Variants in MCM9 observed in about 807,000 individuals in gnomAD.
The protein encoded by MCM9 is DNA helicase MCM9.
Under a neutral mutation model 72.8 loss-of-function variants are expected in MCM9, and 55 were observed. That is an observed-to-expected ratio of 0.76 (90% CI 0.61 to 0.95). MCM9 has a LOEUF of 0.95. Ranked by LOEUF, MCM9 falls within the 40% of genes least tolerant of loss-of-function variation. The pLI is 0.00. For synonymous variants in MCM9, 480 were observed against 503.4 expected (o/e 0.95, Z 0.62); for missense variants, 1,279 against 1,377.0 (o/e 0.93, Z 1.13).
At chr6:118,823,319 C>T (rs1409489493) in intron 13 of MCM9, among the ~76,000 whole-genome samples, 1 of 152,194 alleles carries the variant, frequency 6.6e-6, no homozygotes, top group Admixed American at 6.6e-5. Flanking sequence ...AGCACAGTCC[C>T]TCACTGCTTT....
At chr6:118,862,191 C>A (rs1429909491) in intron 8 of MCM9, among the ~76,000 whole-genome samples, 1 of 152,188 alleles carries the variant, frequency 6.6e-6, no homozygotes, top group Non-Finnish European at 1.5e-5. Context: ...TTCCTGGGCC[C>A]CCAAGAGTGC....
chr6:118,930,442 T>C (rs1232401114), intron 3 of MCM9, among the ~76,000 whole-genome samples: 1 of 152,240 alleles, frequency 6.6e-6, no homozygotes, highest in Non-Finnish European at 1.5e-5. Context: ...CAAAAGGGTA[T>C]GTATGTTCTC....
chr6:118,846,606 G>A (rs1306856287), intron 9 of MCM9, among the ~76,000 whole-genome samples: 5 of 151,734 alleles, frequency 3.3e-5, no homozygotes, highest in East Asian at 1.9e-4. Context: ...AGAGGAGACC[G>A]GCAAGGGGCA....
In MCM9 at chr6:118,932,732, C is replaced by A. The variant is rs551570677; in HGVS notation, c.-141G>T. The A allele has an allele frequency of 4.5e-4, 182 of 405,210 alleles. No individual in the cohort carries two copies. The highest frequency in any genetic ancestry group is 5.7e-4 in the Non-Finnish European group (171 of 299,400). The allele number at this position is 405,210 out of a possible 1,614,324, so 25.1% of individuals were successfully genotyped here. On this transcript the variant is annotated 5_prime_UTR_variant, in exon 2 of 14. Coordinates refer to ENST00000619706, the MANE Select transcript of MCM9 (RefSeq NM_017696.3). ...ACCGTAGGAAATCTACTGGGTTCTG[C>A]AGAAACAGCTGTCAACAATGCAAAG... is the stretch of plus-strand genomic sequence containing the variant.
At chr6:118,902,528 CTTTT>C (rs33980013) in intron 8 of MCM9, among the ~76,000 whole-genome samples, 1 of 131,518 alleles carries the variant, frequency 7.6e-6, no homozygotes, top group Non-Finnish European at 1.6e-5. Context: ...ACTGATAATA[CTTTT>C]TTTTTTTTTT....
chr6:118,915,870 T>C (rs1352415395), intron 6 of MCM9, among the ~76,000 whole-genome samples: 2 of 152,222 alleles, frequency 1.3e-5, no homozygotes, highest in Admixed American at 6.5e-5. Context: ...CATGCAACAG[T>C]AGCCTAATTA....
chr6:118,826,644 T>A, intron 12 of MCM9, 138 bp downstream of exon 12: 1 of 678,800 alleles, frequency 1.5e-6, no homozygotes, highest in Non-Finnish European at 2.5e-6. Flanking sequence ...ATCGGTTACC[T>A]TTGGATATAT....
At chr6:118,923,699 G>T in intron 4 of MCM9, 112 bp downstream of exon 4, 1 of 919,248 alleles carries the variant, frequency 1.1e-6, no homozygotes, top group Non-Finnish European at 1.6e-6. Context: ...CTTCCACAAA[G>T]TGACAACACA....
At chr6:118,866,063 T>A (rs1777198185) in intron 8 of MCM9, among the ~76,000 whole-genome samples, 1 of 152,224 alleles carries the variant, frequency 6.6e-6, no homozygotes, top group Admixed American at 6.5e-5. Context: ...TCCAGCTACA[T>A]CTAAGATAAT....
chr6:118,875,610 T>G (rs1343153127), intron 8 of MCM9, among the ~76,000 whole-genome samples: 1 of 151,898 alleles, frequency 6.6e-6, no homozygotes. Context: ...CACTCCAGCC[T>G]GGGCAACAGA....
intron 8 of MCM9, chr6:118,900,694 A>G: frequency 1.8e-6 from 2 of 1,107,192 alleles, no homozygotes; most frequent in African/African-American, 3.1e-5. Flanking sequence ...AGTGGACATT[A>G]AAAGGGTCTT....
intron 3 of MCM9, 30 bp downstream of exon 3, chr6:118,931,390 G>T (rs759123350): frequency 1.3e-6 from 2 of 1,561,072 alleles, no homozygotes; most frequent in Admixed American, 3.5e-5. Flanking sequence ...CTAGAAGATA[G>T]CATGGCAGTA....
rs768274195 is a variant in MCM9 at position 118,844,331 on chromosome 6, A to C, written c.1325+12040T>G. On this transcript the variant is annotated intron_variant, in intron 9 of 13. Coordinates refer to ENST00000619706, the MANE Select transcript of MCM9 (RefSeq NM_017696.3). ...TGGAGGCTCATCCAACTTGTTCTTA[A>C]ATTGTAGAGTGAGACAGAGTGAGTG... Among the ~76,000 whole-genome samples the C allele has an allele frequency of 3.7e-4, 56 of 151,730 alleles. 2 individuals carry two copies. The highest frequency in any genetic ancestry group is 1.2e-3 in the African/African-American group (48 of 41,130).
At chr6:118,924,162 A>G in intron 3 of MCM9, 35 bp from the exon 4 acceptor site, 2 of 1,574,636 alleles carry the variant, frequency 1.3e-6, no homozygotes, top group Non-Finnish European at 1.7e-6. Flanking sequence ...CATCAACTTC[A>G]ATCTTGAGAT....
At position 118,851,011 on chromosome 6, in the gene MCM9, G is replaced by A. The variant is rs146344120; in HGVS notation, c.1325+5360C>T. Reference sequence around the variant, plus strand: ...TTTTTTGTTTTTTGTATCGAGATGGGGGTCTTGCCATCTTGCTCAGTCTGG... The same window carrying A: ...TTTTTTGTTTTTTGTATCGAGATGGAGGTCTTGCCATCTTGCTCAGTCTGG... On this transcript the variant is annotated intron_variant, in intron 9 of 13. Transcript: ENST00000619706. 1.8e-3 allele frequency among the ~76,000 whole-genome samples: 280 copies of A among 151,564 alleles called. 6 individuals are homozygous for A. The highest frequency in any genetic ancestry group is 0.01 in the Middle Eastern group (3 of 294).
At chr6:118,903,625 G>A (rs1446692724) in intron 8 of MCM9, among the ~76,000 whole-genome samples, 4 of 152,176 alleles carry the variant, frequency 2.6e-5, no homozygotes, top group South Asian at 2.1e-4. Flanking sequence ...TAGAAAGGGC[G>A]TCACTGAGAA....
Position 118,913,353 on chromosome 6 carries a change from C to A in MCM9, c.972G>T (p.Val324=). ...GAATCCCACCAGCCAGCACCATGGC[C>A]ACAGCAAGCTTTACTAGATACATTC... ...VFGMYLVKLA[V]AMVLAGGIQR... Residue 324 remains valine (V), a synonymous_variant, in exon 7 of 14, where the codon GTG becomes GTT. Coordinates refer to ENST00000619706, the MANE Select transcript of MCM9 (RefSeq NM_017696.3). The A allele has an allele frequency of 6.2e-7, 1 of 1,614,148 alleles. No homozygotes were observed. The highest frequency in any genetic ancestry group is 1.1e-5 in the South Asian group (1 of 91,076).
At chr6:118,838,913 T>C (rs1273027432) in intron 9 of MCM9, among the ~76,000 whole-genome samples, 1 of 152,146 alleles carries the variant, frequency 6.6e-6, no homozygotes, top group African/African-American at 2.4e-5. Flanking sequence ...TGTTTCAGGG[T>C]TGTTCTTCTC....
intron 13 of MCM9, among the ~76,000 whole-genome samples, chr6:118,822,386 T>C (rs6932585): frequency 0.51 from 77,566 of 152,026 alleles, 21,174 homozygotes; most frequent in East Asian, 0.65. Context: ...CTTCCACAAG[T>C]CTGCTGCAGT....
Sources: allele counts gnomAD v4.1 joint callset (sites outside exome capture counted in the v4.1 genomes callset), GRCh38; gene constraint gnomAD v4.1.1; transcripts MANE v1.5; gene names NCBI Gene and HGNC (gene_info 2026-07-23, HGNC 2026-07-21).